Variants in PTCD3 observed in about 807,000 individuals in gnomAD.
PTCD3 encodes the protein small ribosomal subunit protein mS39.
Under a neutral mutation model 101.9 loss-of-function variants are expected in PTCD3, and 89 were observed. The observed-to-expected ratio is 0.87, with a 90% CI of 0.74 to 1.04. The LOEUF (loss-of-function observed/expected upper bound fraction) is 1.04. PTCD3 is among the 50% of genes least tolerant of loss of function. The pLI is 0.00. For missense variants in PTCD3, 870 were observed against 828.2 expected (o/e 1.05, Z -0.62); for synonymous variants, 296 against 278.5 (o/e 1.06, Z -0.63).
chr2:86,133,631 CTT>C (rs778632837), intron 19 of PTCD3, among the ~76,000 whole-genome samples, 195 bp downstream of exon 19: 1 of 152,198 alleles, frequency 6.6e-6, no homozygotes, highest in Non-Finnish European at 1.5e-5. Context: ...TTGAAAATGA[CTT>C]AAGTCAGTCC....
chr2:86,130,574 C>G, intron 14 of PTCD3, 74 bp from the exon 15 acceptor site: 1 of 1,534,048 alleles, frequency 6.5e-7, no homozygotes, highest in Non-Finnish European at 8.8e-7. Context: ...AAATGTGTCC[C>G]TTTGTATTAG....
intron 8 of PTCD3, among the ~76,000 whole-genome samples, chr2:86,123,095 TAA>T (rs372702762): frequency 0.032 from 4,792 of 151,486 alleles, 144 homozygotes; most frequent in East Asian, 0.15. Flanking sequence ...CCGTCCCTAC[TAA>T]AAAAAATACA....
chr2:86,115,887 C>T (rs761406253), intron 4 of PTCD3, among the ~76,000 whole-genome samples: 80 of 152,218 alleles, frequency 5.3e-4, no homozygotes, highest in Middle Eastern at 3.4e-3. Context: ...TGAAGTTGAG[C>T]GTGGGTGGAT....
intron 16 of PTCD3, 78 bp downstream of exon 16, chr2:86,131,184 T>C (rs1300005133): frequency 6.4e-6 from 7 of 1,090,390 alleles, no homozygotes; most frequent in Non-Finnish European, 9.4e-6. Context: ...CTGGTTCTTT[T>C]CACTTTCTAA....
chr2:86,127,594 A>C lies in PTCD3; in HGVS notation c.1096+289A>C, dbSNP rs2104457710. 6 of 464,734 alleles carry C rather than the reference A, an allele frequency of 1.3e-5. No homozygotes were observed. In the South Asian group the frequency reaches 1.5e-4, roughly 12 times the overall value. 28.8% of individuals were successfully genotyped at this position (464,734 alleles called of 1,614,324 possible). ...AAATTCATGACATTTTCCCAACATAATTAGGTATTTGAACCTAAGTGTGTG... is the reference window on the plus strand; with the variant it reads ...AAATTCATGACATTTTCCCAACATACTTAGGTATTTGAACCTAAGTGTGTG... On this transcript the variant is annotated intron_variant, in intron 13 of 23. Transcript: ENST00000254630.
Position 86,118,833 on chromosome 2 carries a change from A to G in PTCD3, c.415-88A>G, listed in dbSNP as rs1055820962. The stretch of plus-strand genomic sequence containing the variant: ...TGGAGCAGTGAAGTTTTACTTTGGT[A>G]TGTTGGTGATAAAAGTTTTGTCCTA... On this transcript the variant is annotated intron_variant, in intron 6 of 23. Coordinates refer to ENST00000254630, the MANE Select transcript of PTCD3 (RefSeq NM_017952.6). 16 of 1,406,950 alleles carry G rather than the reference A, an allele frequency of 1.1e-5. No homozygotes were observed. In the Admixed American group the frequency reaches 3.3e-4, roughly 29 times the overall value. The allele number at this position is 1,406,950 out of a possible 1,614,324, so 87.2% of individuals were successfully genotyped here.
At chr2:86,128,353 G>T (rs1674436080) in intron 14 of PTCD3, among the ~76,000 whole-genome samples, 1 of 151,638 alleles carries the variant, frequency 6.6e-6, no homozygotes, top group African/African-American at 2.4e-5. Context: ...TTGAGCTGGA[G>T]GGGAGAGGGT....
At chr2:86,121,452 CT>C in intron 7 of PTCD3, 26 bp from the exon 8 acceptor site, 2 of 1,426,178 alleles carry the variant, frequency 1.4e-6, no homozygotes, top group Non-Finnish European at 9.7e-7. Context: ...TTCAAGGTTT[CT>C]TTATCTTTCT....
intron 17 of PTCD3, 198 bp downstream of exon 17, chr2:86,132,622 GTTTT>G (rs11333311): frequency 8.2e-3 from 1,776 of 217,352 alleles, no homozygotes; most frequent in Middle Eastern, 0.014. Context: ...TCCTTTAAGG[GTTTT>G]TTTTTTTTTT....
intron 17 of PTCD3, 46 bp from the exon 18 acceptor site, chr2:86,133,132 A>G (rs764373827): frequency 2.2e-5 from 35 of 1,586,976 alleles, no homozygotes; most frequent in Middle Eastern, 2.0e-4. Flanking sequence ...CCCTGTTGTT[A>G]GACATAGGGA....
chr2:86,123,318 A>G (rs1674328323), intron 8 of PTCD3, among the ~76,000 whole-genome samples: 1 of 151,582 alleles, frequency 6.6e-6, no homozygotes, highest in Non-Finnish European at 1.5e-5. Flanking sequence ...GGCATTAACT[A>G]TATGTTGTTT....
chr2:86,122,624 A>G (rs1674304402), intron 8 of PTCD3, among the ~76,000 whole-genome samples: 1 of 152,192 alleles, frequency 6.6e-6, no homozygotes, highest in South Asian at 2.1e-4. Context: ...GTCTTGCTGT[A>G]GTGCCCAGGA....
intron 4 of PTCD3, 126 bp downstream of exon 4, chr2:86,111,284 G>C (rs1674079837): frequency 1.0e-6 from 1 of 965,148 alleles, no homozygotes; most frequent in Non-Finnish European, 1.6e-6. Context: ...TGTGCGTCTA[G>C]AAAGTTTCTT....
Position 86,142,046 on chromosome 2 carries a change from A to G in PTCD3, c.*4487A>G, listed in dbSNP as rs1034759583. On this transcript the variant is annotated 3_prime_UTR_variant, in exon 24 of 24. Coordinates refer to ENST00000254630, the MANE Select transcript of PTCD3 (RefSeq NM_017952.6). ...CTTTTCGGTATCATCTTTGTTCCTA[A>G]TAAGCAATCAAGGGGGGTGGGTGTG... 4.2e-5 allele frequency: 3 copies of G among 72,246 alleles called. No homozygotes were observed. The highest frequency in any genetic ancestry group is 1.6e-4 in the Admixed American group (1 of 6,298). The allele number at this position is 72,246 out of a possible 1,614,324, so 4.5% of individuals were successfully genotyped here.
Position 86,123,778 on chromosome 2 carries a change from T to G in PTCD3, c.716+16T>G. On this transcript the variant is annotated intron_variant, in intron 9 of 23. Coordinates refer to ENST00000254630, the MANE Select transcript of PTCD3 (RefSeq NM_017952.6). ...TTACATGGCGGTATGTCACACGTAA[T>G]TAGAACCTTGAATTACAGTGTCTTA... 3.2e-6 allele frequency: 5 copies of G among 1,576,166 alleles called. No individual in the cohort carries two copies. Among genetic ancestry groups the G allele is most frequent in the Non-Finnish European group, 4.3e-6 (5 of 1,156,936 alleles).
intron 8 of PTCD3, among the ~76,000 whole-genome samples, chr2:86,122,005 G>C (rs1674292637): frequency 6.6e-6 from 1 of 152,182 alleles, no homozygotes; most frequent in South Asian, 2.1e-4. Context: ...GGGCCCGCCT[G>C]TAAGTTGAGT....
At chr2:86,116,942 C>T (rs1446400233) in intron 5 of PTCD3, 113 bp from the exon 6 acceptor site, 7 of 629,256 alleles carry the variant, frequency 1.1e-5, no homozygotes, top group East Asian at 5.5e-5. Context: ...TGGGATTCTG[C>T]GTGTTGTTGC....
chr2:86,135,961 C>G (rs1421865964), intron 21 of PTCD3: 1 of 519,172 alleles, frequency 1.9e-6, no homozygotes, highest in South Asian at 1.4e-5. Flanking sequence ...ATGTGGCAGG[C>G]TGATGGGGAG....
Position 86,117,159 on chromosome 2 carries a change from G to A in PTCD3, c.414G>A (p.Pro138=), listed in dbSNP as rs773985959. 6 of 997,366 alleles carry A rather than the reference G, an allele frequency of 6.0e-6. No individual in the cohort carries two copies. The highest frequency in any genetic ancestry group is 9.6e-6 in the Non-Finnish European group (6 of 623,940). 61.8% of individuals were successfully genotyped at this position (997,366 alleles called of 1,614,324 possible). A position where few individuals can be genotyped will look rare whatever the true frequency, so the allele number is the denominator to read the frequency against. The change falls in exon 6 of 24, where the codon CCG becomes CCA. Residue 138 remains proline (P), a splice_region_variant and synonymous_variant. Coordinates refer to ENST00000254630, the MANE Select transcript of PTCD3 (RefSeq NM_017952.6). ...AGGACATAGCTGAACCTCATATACC[G>A]GTAAGGAGAGGTAGTTACATTATTT... ...FQKDIAEPHI[P]CLMPEYFEPQ...
Sources: allele counts gnomAD v4.1 joint callset (sites outside exome capture counted in the v4.1 genomes callset), GRCh38; gene constraint gnomAD v4.1.1; transcripts MANE v1.5; gene names NCBI Gene and HGNC (gene_info 2026-07-23, HGNC 2026-07-21).